Variants in BRD9 observed in about 807,000 individuals in gnomAD.
The protein encoded by BRD9 is bromodomain-containing protein 9.
A neutral mutation model predicts 68.7 loss-of-function variants in BRD9; 47 were observed. That is an observed-to-expected ratio of 0.68 (90% CI 0.54 to 0.87). BRD9 has a LOEUF of 0.87. Among genes scored for constraint, BRD9 ranks in the 40% least tolerant of loss-of-function variants. BRD9 has a pLI of 0.00. For missense variants in BRD9, 670 were observed against 748.4 expected, an observed-to-expected ratio of 0.90 and a Z score of 1.22; for synonymous variants, 313 against 293.9, an observed-to-expected ratio of 1.06 and a Z score of -0.67.
rs146102853 is a variant in BRD9, at chr5:877,813, G to A, written c.1271+542C>T. 5.5e-4 allele frequency among the ~76,000 whole-genome samples: 84 copies of A among 152,290 alleles called. 3 individuals carry two copies. In the East Asian group the frequency reaches 0.015, roughly 27 times the overall value. ...TTAGAGGTAACTGCAGTGACATGAG[G>A]CCATTAGGGTGGCCCTGATCCAATA... On this transcript the variant is annotated intron_variant, in intron 11 of 15. Transcript: ENST00000467963.
chr5:865,818 G>A (rs1278652640), intron 14 of BRD9: 7 of 510,868 alleles, frequency 1.4e-5, no homozygotes, highest in African/African-American at 1.3e-4. Flanking sequence ...CAAAGCATCA[G>A]ACAAGACCTA....
intron 12 of BRD9, among the ~76,000 whole-genome samples, chr5:873,211 A>T (rs946043767): frequency 5.9e-5 from 9 of 152,146 alleles, no homozygotes; most frequent in African/African-American, 2.2e-4. Context: ...ATCTTAATGT[A>T]TATCCCTGAG....
intron 3 of BRD9, 186 bp from the exon 4 acceptor site, chr5:889,833 ACCCC>A (rs1753094098): frequency 7.8e-7 from 1 of 1,289,356 alleles, no homozygotes; most frequent in East Asian, 3.2e-5. Flanking sequence ...TAGAAAGGGC[ACCCC>A]CACAGCAGGA....
At chr5:875,749 A>C (rs1475407680) in intron 12 of BRD9, among the ~76,000 whole-genome samples, 2 of 152,242 alleles carry the variant, frequency 1.3e-5, no homozygotes, top group African/African-American at 2.4e-5. Context: ...AATTTCAAAA[A>C]TGAAGATGAA....
rs756436277 is a variant in BRD9, at chr5:878,418, G to A, written c.1208C>T (p.Ser403Leu). Residue 403 changes from serine (S) to leucine (L), a missense_variant, in exon 11 of 16, where the codon TCG becomes TTG. Coordinates refer to ENST00000467963, the MANE Select transcript of BRD9 (RefSeq NM_023924.5). ...TGAGTAGAGCAGCTCCATCTCGTCC[G>A]ACTTCAAGTCGCCAAATACTGAATT... ...QNNSVFGDLK[S>L]DEMELLYSAY... 23 of 1,614,232 alleles carry A rather than the reference G, an allele frequency of 1.4e-5. No homozygotes were observed. Among genetic ancestry groups the A allele is most frequent in the East Asian group, 2.2e-5 (1 of 44,884 alleles).
Position 870,272 on chromosome 5 carries a change from A to G in BRD9, c.1525+201T>C. ...GGCTGCAACCACTTCTCATTAGCTT[A>G]AAAAAGACACAACACTCAGGAGATT... On this transcript the variant is annotated intron_variant, in intron 14 of 15. Transcript: ENST00000467963. The G allele has an allele frequency of 1.3e-5, 7 of 556,450 alleles. No homozygotes were observed. In the South Asian group the frequency reaches 1.5e-4, roughly 12 times the overall value. The allele number at this position is 556,450 out of a possible 1,614,324, so 34.5% of individuals were successfully genotyped here.
At chr5:888,080 G>A (rs1317715936) in intron 5 of BRD9, among the ~76,000 whole-genome samples, 4 of 152,218 alleles carry the variant, frequency 2.6e-5, no homozygotes, top group Non-Finnish European at 1.5e-5. Flanking sequence ...GACCCCGGAG[G>A]CCGGCCACCC....
intron 14 of BRD9, among the ~76,000 whole-genome samples, chr5:869,828 T>C (rs1358158562): frequency 6.6e-6 from 1 of 152,226 alleles, no homozygotes; most frequent in African/African-American, 2.4e-5. Flanking sequence ...ACAACTGACA[T>C]GTACTGACTG....
chr5:876,644 C>T (rs1224038650), intron 11 of BRD9, among the ~76,000 whole-genome samples: 1 of 152,160 alleles, frequency 6.6e-6, no homozygotes, highest in East Asian at 1.9e-4. Flanking sequence ...TTAGTACCAT[C>T]CTGATTCTTG....
intron 12 of BRD9, among the ~76,000 whole-genome samples, chr5:872,893 T>G (rs1045641945): frequency 3.3e-5 from 5 of 152,254 alleles, no homozygotes; most frequent in Admixed American, 3.3e-4. Context: ...CTGTTCCCTG[T>G]AGAAAGAAAA....
At chr5:890,087 T>A (rs976054578) in intron 3 of BRD9, 1 of 322,964 alleles carries the variant, frequency 3.1e-6, no homozygotes, top group Non-Finnish European at 6.1e-6. Flanking sequence ...TCCCAGCAAC[T>A]TGGGAGGCTG....
At chr5:866,874 T>G (rs1038098572) in intron 14 of BRD9, among the ~76,000 whole-genome samples, 2 of 152,170 alleles carry the variant, frequency 1.3e-5, no homozygotes, top group Non-Finnish European at 2.9e-5. Flanking sequence ...TTTGGAAAAT[T>G]TGTACCCCTG....
chr5:889,201 G>C (rs1190419155), intron 4 of BRD9, 36 bp from the exon 5 acceptor site: 12 of 1,589,846 alleles, frequency 7.5e-6, no homozygotes, highest in African/African-American at 2.7e-5. Flanking sequence ...GAAAAATCTA[G>C]ATTTCTAAAT....
chr5:885,668 G>A (rs1752446792), intron 7 of BRD9, among the ~76,000 whole-genome samples: 1 of 152,264 alleles, frequency 6.6e-6, no homozygotes, highest in Non-Finnish European at 1.5e-5. Flanking sequence ...GAGCCACAGT[G>A]CTGTCAGACA....
intron 9 of BRD9, among the ~76,000 whole-genome samples, chr5:880,656 C>T (rs13356929): frequency 0.018 from 2,774 of 152,322 alleles, 82 homozygotes; most frequent in African/African-American, 0.063. Context: ...GTGCCCCTGA[C>T]GGGCTGGACA....
chr5:886,610 G>A lies in BRD9; in HGVS notation c.815C>T (p.Pro272Leu), dbSNP rs751331882. Residue 272 changes from proline to leucine, a missense_variant, in exon 7 of 16, where the codon CCG becomes CTG. By Grantham distance (98) the Pro-to-Leu change is moderately conservative (BLOSUM62 -3). Coordinates refer to ENST00000467963, the MANE Select transcript of BRD9 (RefSeq NM_023924.5). ...QVETAKKSKKPSREVISCMFE... is the reference protein window; with the variant it reads ...QVETAKKSKKLSREVISCMFE... Reference sequence around the variant, plus strand: ...CCTTTACCTGATAACTTCTCTACTCGGCTTTTTGGATTTCTTGGCAGTTTC... The same window carrying A: ...CCTTTACCTGATAACTTCTCTACTCAGCTTTTTGGATTTCTTGGCAGTTTC... 1.9e-5 allele frequency: 31 copies of A among 1,613,794 alleles called. No individual in the cohort carries two copies. Among genetic ancestry groups the A allele is most frequent in the Non-Finnish European group, 2.2e-5 (26 of 1,179,938 alleles).
Position 864,380 on chromosome 5 carries a change from G to C in BRD9, c.*88C>G. 3 of 1,152,018 alleles carry C rather than the reference G, an allele frequency of 2.6e-6. No homozygotes were observed. The South Asian group carries it at 4.5e-5, about 17-fold the overall frequency. The allele number at this position is 1,152,018 out of a possible 1,614,324, so 71.4% of individuals were successfully genotyped here. On this transcript the variant is annotated 3_prime_UTR_variant, in exon 16 of 16. Coordinates refer to ENST00000467963, the MANE Select transcript of BRD9 (RefSeq NM_023924.5). ...GCTTCCCGCATGCCAAAGGGGACAG[G>C]ATCAAAGTCCTTGTCTGATGACAAA...
At chr5:868,017 G>C (rs191822195) in intron 14 of BRD9, among the ~76,000 whole-genome samples, 5 of 152,270 alleles carry the variant, frequency 3.3e-5, no homozygotes, top group Non-Finnish European at 7.4e-5. Context: ...CCAATGTTAG[G>C]GGAGGGTCCT....
At chr5:885,385 G>T (rs62330201) in intron 7 of BRD9, among the ~76,000 whole-genome samples, 3 of 152,214 alleles carry the variant, frequency 2.0e-5, no homozygotes, top group Non-Finnish European at 4.4e-5. Flanking sequence ...CGGTTGGAGG[G>T]AGCTGCTCAG....
Sources: allele counts gnomAD v4.1 joint callset (sites outside exome capture counted in the v4.1 genomes callset), GRCh38; gene constraint gnomAD v4.1.1; transcripts MANE v1.5; gene names NCBI Gene and HGNC (gene_info 2026-07-23, HGNC 2026-07-21).